The following MARCHF1 variants were observed in gnomAD, a reference collection of about 807,000 sequenced individuals.
MARCHF1 encodes E3 ubiquitin-protein ligase MARCHF1.
In MARCHF1, 40 loss-of-function variants were observed where a neutral mutation model predicts 54.2. The ratio of observed to expected loss-of-function variants is 0.74; its 90% confidence interval spans 0.57 to 0.96. The LOEUF is 0.96. MARCHF1 is among the 40% of genes least tolerant of loss of function. The pLI is 0.00. For synonymous variants in MARCHF1, 236 were observed against 236.3 expected, an observed-to-expected ratio of 1.00 and a Z score of 0.01; for missense variants, 586 against 656.5, an observed-to-expected ratio of 0.89 and a Z score of 1.17.
At chr4:164,087,796 CTTTTTTCTGTGTTTTTT>C (rs1385285713) in intron 2 of MARCHF1, among the ~76,000 whole-genome samples, 1 of 89,912 alleles carries the variant, frequency 1.1e-5, no homozygotes, top group Non-Finnish European at 2.5e-5. Context: ...TAATTGATAG[CTTTTTTCTGTGTTTTTT>C]TTTTTTCTGT....
chr4:163,766,148 T>C (rs546781961), intron 4 of MARCHF1, among the ~76,000 whole-genome samples: 1 of 151,898 alleles, frequency 6.6e-6, no homozygotes, highest in African/African-American at 2.4e-5. Context: ...AAATGGTATA[T>C]CACAGAAGAT....
chr4:163,623,995 G>A (rs1486225088), intron 5 of MARCHF1, among the ~76,000 whole-genome samples: 1 of 152,134 alleles, frequency 6.6e-6, no homozygotes, highest in African/African-American at 2.4e-5. Flanking sequence ...CTTTGCTGTT[G>A]GTGAATGGGA....
intron 5 of MARCHF1, among the ~76,000 whole-genome samples, chr4:163,695,116 C>T (rs1035363421): frequency 1.2e-4 from 18 of 152,216 alleles, no homozygotes; most frequent in South Asian, 4.1e-4. Flanking sequence ...CTCAATAAAT[C>T]AGAACATTAA....
At chr4:164,327,816 G>A (rs933449001) in intron 1 of MARCHF1, among the ~76,000 whole-genome samples, 2 of 152,186 alleles carry the variant, frequency 1.3e-5, no homozygotes, top group African/African-American at 2.4e-5. Flanking sequence ...TCCAGCTCGT[G>A]TAGTTTCCAG....
intron 3 of MARCHF1, among the ~76,000 whole-genome samples, chr4:163,865,024 TTAAAA>T (rs1655573257): frequency 1.3e-5 from 2 of 151,912 alleles, no homozygotes; most frequent in South Asian, 4.1e-4. Context: ...ACCTCTGGAC[TTAAAA>T]TAAGCCAGGT....
chr4:164,097,719 G>A (rs1056604929), intron 2 of MARCHF1, among the ~76,000 whole-genome samples: 4 of 152,148 alleles, frequency 2.6e-5, no homozygotes, highest in Non-Finnish European at 4.4e-5. Context: ...TCTGTAATGG[G>A]TCAACTGGGC....
At chr4:164,378,290 G>A (rs1731257344) in intron 1 of MARCHF1, among the ~76,000 whole-genome samples, 1 of 152,228 alleles carries the variant, frequency 6.6e-6, no homozygotes, top group Non-Finnish European at 1.5e-5. Context: ...GCAGTCTTGA[G>A]GGACTGGAGA....
chr4:163,956,505 T>G (rs1050351981), intron 3 of MARCHF1, among the ~76,000 whole-genome samples: 1 of 152,220 alleles, frequency 6.6e-6, no homozygotes, highest in Middle Eastern at 3.4e-3. Flanking sequence ...TAATTAGTAC[T>G]AAGATTTTCA....
At chr4:163,913,971 G>A (rs762782696) in intron 3 of MARCHF1, among the ~76,000 whole-genome samples, 1 of 143,886 alleles carries the variant, frequency 6.9e-6, no homozygotes, top group Non-Finnish European at 1.5e-5. Flanking sequence ...CGAAAGGGAT[G>A]TGACAGCACG....
At chr4:163,647,357 C>T (rs1365499355) in intron 5 of MARCHF1, among the ~76,000 whole-genome samples, 1 of 151,856 alleles carries the variant, frequency 6.6e-6, no homozygotes, top group Non-Finnish European at 1.5e-5. Context: ...ATAGATCATC[C>T]AGACAGAAAA....
chr4:163,612,181 G>C, intron 7 of MARCHF1, 90 bp downstream of exon 7: 1 of 1,121,674 alleles, frequency 8.9e-7, no homozygotes, highest in Non-Finnish European at 1.2e-6. Context: ...TAAATGTTAA[G>C]TTTTGAGGGT....
intron 4 of MARCHF1, among the ~76,000 whole-genome samples, chr4:163,848,485 G>T (rs933580598): frequency 6.6e-6 from 1 of 151,976 alleles, no homozygotes; most frequent in Non-Finnish European, 1.5e-5. Flanking sequence ...GACTTCCATG[G>T]ATTTTTCAAC....
At chr4:163,594,786 A>ACACACACC (rs1173614623) in intron 7 of MARCHF1, among the ~76,000 whole-genome samples, 48 of 151,446 alleles carry the variant, frequency 3.2e-4, no homozygotes, top group African/African-American at 1.1e-3. Flanking sequence ...ACACACACAC[A>ACACACACC]CCCAAACCCA....
chr4:163,751,805 C>CGT (rs72029488), intron 4 of MARCHF1, among the ~76,000 whole-genome samples: 4,372 of 124,456 alleles, frequency 0.035, 129 homozygotes, highest in East Asian at 0.09. Flanking sequence ...CACATGTGCA[C>CGT]GTGTGTGTGT....
Position 163,599,297 on chromosome 4 carries a change from T to TTATATATATATATATATA in MARCHF1, c.1010+12973_1010+12974insTATATATATATATATATA, listed in dbSNP as rs150458467. Among the ~76,000 whole-genome samples, 529 of 146,712 alleles carry TTATATATATATATATATA rather than the reference T, an allele frequency of 3.6e-3. 4 individuals are homozygous for TTATATATATATATATATA. Among genetic ancestry groups the TTATATATATATATATATA allele is most frequent in the African/African-American group, 0.012 (457 of 39,472 alleles). On this transcript the variant is annotated intron_variant, in intron 7 of 9. Transcript: ENST00000514618. ...AGAGTGAGACTCCATCTCAAAAAAA[T>TTATATATATATATATATA]TATATATATATATATGTTTTATTTT...
intron 7 of MARCHF1, among the ~76,000 whole-genome samples, chr4:163,590,330 T>C (rs1740549992): frequency 6.6e-6 from 1 of 151,860 alleles, no homozygotes; most frequent in Admixed American, 6.6e-5. Flanking sequence ...TTTCACTCAA[T>C]AGTCATTTCA....
At chr4:164,198,151 T>C (rs1731333684) in intron 1 of MARCHF1, among the ~76,000 whole-genome samples, 1 of 152,158 alleles carries the variant, frequency 6.6e-6, no homozygotes, top group Admixed American at 6.5e-5. Flanking sequence ...CAATGAACCA[T>C]GAAAGACATA....
intron 2 of MARCHF1, among the ~76,000 whole-genome samples, chr4:164,037,599 G>C (rs1050663099): frequency 2.0e-5 from 3 of 152,142 alleles, no homozygotes; most frequent in African/African-American, 7.2e-5. Context: ...AATTTTTGCA[G>C]AAACTCCACC....
At chr4:164,335,595 AAAAAG>A (rs1259377149) in intron 1 of MARCHF1, among the ~76,000 whole-genome samples, 2 of 151,852 alleles carry the variant, frequency 1.3e-5, no homozygotes, top group Non-Finnish European at 2.9e-5. Context: ...AAAAAAAAAA[AAAAAG>A]AGAATTTGCT....
Sources: allele counts gnomAD v4.1 joint callset (sites outside exome capture counted in the v4.1 genomes callset), GRCh38; gene constraint gnomAD v4.1.1; transcripts MANE v1.5; gene names NCBI Gene and HGNC (gene_info 2026-07-23, HGNC 2026-07-21).